The following TNRC18 variants were observed in gnomAD, a reference collection of about 807,000 sequenced individuals.
The protein encoded by TNRC18 is trinucleotide repeat-containing gene 18 protein.
TNRC18 carries 69 observed loss-of-function variants against 226.7 expected under a neutral mutation model. The ratio of observed to expected loss-of-function variants is 0.30; its 90% CI spans 0.25 to 0.37. The LOEUF is 0.37. Among genes scored for constraint, TNRC18 ranks in the 10% least tolerant of loss-of-function variants. TNRC18 has a pLI of 1.00. For missense variants in TNRC18, 4,754 were observed against 4,256.6 expected (o/e 1.12, Z -3.25); for synonymous variants, 2,449 against 1,927.6 (o/e 1.27, Z -7.09).
At chr7:5,396,033 T>C (rs1780660852) in intron 2 of TNRC18, among the ~76,000 whole-genome samples, 1 of 136,986 alleles carries the variant, frequency 7.3e-6, no homozygotes. Flanking sequence ...TAGCTGGGCG[T>C]GGTGGCGGGC....
At chr7:5,389,629 A>AC (rs763142416) in intron 4 of TNRC18, 118 of 211,878 alleles carry the variant, frequency 5.6e-4, no homozygotes, top group Non-Finnish European at 9.8e-4. Flanking sequence ...TAATTATTGT[A>AC]TTTTTAATAC....
At chr7:5,369,212 G>A (rs1359122821) in intron 11 of TNRC18, among the ~76,000 whole-genome samples, 5 of 152,146 alleles carry the variant, frequency 3.3e-5, no homozygotes, top group Non-Finnish European at 5.9e-5. Flanking sequence ...GCCAGGCATG[G>A]TGGCACATGC....
At chr7:5,373,662 C>T (rs1024299091) in intron 10 of TNRC18, among the ~76,000 whole-genome samples, 34 of 152,266 alleles carry the variant, frequency 2.2e-4, no homozygotes, top group Middle Eastern at 3.4e-3. Flanking sequence ...ACGGCAAGAG[C>T]GGGTGTGTGC....
rs1015175005 is a variant in TNRC18 at position 5,388,924 on chromosome 7, C to A, written c.900G>T (p.Ala300=). 3 of 1,374,120 alleles carry A rather than the reference C, an allele frequency of 2.2e-6. No individual in the cohort carries two copies. The African/African-American group carries it at 4.7e-5, about 22-fold the overall frequency. The allele number at this position is 1,374,120 out of a possible 1,614,324, so 85.1% of individuals were successfully genotyped here. A position where few individuals can be genotyped will look rare whatever the true frequency, so the allele number is the denominator to read the frequency against. The change falls in exon 5 of 30, where the codon GCG becomes GCT. Residue 300 remains alanine, a synonymous_variant. Coordinates refer to ENST00000430969, the MANE Select transcript of TNRC18 (RefSeq NM_001080495.3). ...CAGCCTCCTTGGCACCCCCGCGCCC[C>A]GCTTCGGCCACCAGCGCGGGCAGCC... The part of the protein sequence containing the change: ...DVGLPALVAE[A]GRGGAKEAAR...
intron 16 of TNRC18, among the ~76,000 whole-genome samples, 184 bp downstream of exon 16, chr7:5,356,732 G>A (rs1349748234): frequency 2.0e-5 from 3 of 151,042 alleles, no homozygotes; most frequent in Non-Finnish European, 4.4e-5. Context: ...TCCGCTTCAG[G>A]CGGCCTCCCC....
At chr7:5,404,763 AGTGTGTGTGTGTGTGT>A (rs57464872) in intron 2 of TNRC18, among the ~76,000 whole-genome samples, 3 of 147,122 alleles carry the variant, frequency 2.0e-5, no homozygotes, top group Admixed American at 6.8e-5. Context: ...GCACACTTTC[AGTGTGTGTGTGTGTGT>A]GTGTGTGTGT....
chr7:5,414,647 C>T (rs937851391), intron 2 of TNRC18, among the ~76,000 whole-genome samples: 1 of 151,958 alleles, frequency 6.6e-6, no homozygotes, highest in South Asian at 2.1e-4. Flanking sequence ...CTCCTGACCT[C>T]GTGATCCACC....
At chr7:5,366,318 CTTT>C (rs202053648) in intron 11 of TNRC18, among the ~76,000 whole-genome samples, 16 of 70,462 alleles carry the variant, frequency 2.3e-4, no homozygotes, top group African/African-American at 7.6e-4. Context: ...CTTCTTATAT[CTTT>C]TTTTTTTTTT....
intron 2 of TNRC18, among the ~76,000 whole-genome samples, chr7:5,402,086 G>A (rs967360257): frequency 3.3e-5 from 5 of 151,480 alleles, no homozygotes; most frequent in African/African-American, 9.7e-5. Context: ...GGCTGAGGCA[G>A]GAGAACGGCA....
At chr7:5,344,634 G>A (rs551675978) in intron 18 of TNRC18, among the ~76,000 whole-genome samples, 35 of 152,286 alleles carry the variant, frequency 2.3e-4, no homozygotes, top group Non-Finnish European at 5.0e-4. Context: ...TCCTGTCCTA[G>A]CCCCTGCCAG....
At chr7:5,363,330 T>G (rs6971630) in intron 11 of TNRC18, among the ~76,000 whole-genome samples, 7 of 150,430 alleles carry the variant, frequency 4.7e-5, no homozygotes, top group Non-Finnish European at 8.9e-5. Flanking sequence ...AGGCCAGGCG[T>G]GGTGGCTCAC....
chr7:5,376,065 G>A lies in TNRC18; in HGVS notation c.2768C>T (p.Ala923Val), dbSNP rs1238374218. The change falls in exon 9 of 30, where the codon GCC becomes GTC. Residue 923 changes from alanine (A) to valine (V), a missense_variant. By Grantham distance (64) the Ala-to-Val change is moderately conservative. Coordinates refer to ENST00000430969, the MANE Select transcript of TNRC18 (RefSeq NM_001080495.3). ...FLYLQQQAAQALELQRSAQLV... is the reference protein window; with the variant it reads ...FLYLQQQAAQVLELQRSAQLV... Reference sequence around the variant, plus strand: ...CTGGGCGCTCCTCTGCAGTTCCAAGGCCTGGGCCGCCTGCTGCTGCAGGTA... The same window carrying A: ...CTGGGCGCTCCTCTGCAGTTCCAAGACCTGGGCCGCCTGCTGCTGCAGGTA... The A allele has an allele frequency of 5.0e-6, 8 of 1,596,524 alleles. No homozygotes were observed. The South Asian group carries it at 6.8e-5, about 14-fold the overall frequency.
In TNRC18 at chr7:5,329,652, C is replaced by T. The variant is rs564407900; in HGVS notation, c.6147+2970G>A. On this transcript the variant is annotated intron_variant, in intron 19 of 29. Transcript: ENST00000430969. Reference sequence around the variant, plus strand: ...GAGCCGAGTTTGTGCCACTGCACTTCAGCCTGGGCGACACAGTGAGACTCC... The same window carrying T: ...GAGCCGAGTTTGTGCCACTGCACTTTAGCCTGGGCGACACAGTGAGACTCC... 6.6e-5 allele frequency among the ~76,000 whole-genome samples: 8 copies of T among 121,622 alleles called. No individual in the cohort carries two copies. The South Asian group carries it at 1.7e-3, about 26-fold the overall frequency. The allele number at this position is 121,622 out of a possible 152,430, so 79.8% of individuals were successfully genotyped here. A position where few individuals can be genotyped will look rare whatever the true frequency, so the allele number is the denominator to read the frequency against.
chr7:5,377,643 G>C lies in TNRC18; in HGVS notation c.2256-67C>G. ...CCAGGGGACGAGAGGGAGAAGCGGG[G>C]TTGCCCCAAGGAACTGTTTGCCACC... On this transcript the variant is annotated intron_variant, in intron 6 of 29. Transcript: ENST00000430969. The surrounding 1 kb of genome is among the most constrained non-coding windows in gnomAD (Gnocchi z 5.8). 2 of 1,484,886 alleles carry C rather than the reference G, an allele frequency of 1.3e-6. No individual in the cohort carries two copies. The highest frequency in any genetic ancestry group is 2.5e-5 in the East Asian group (1 of 40,194). 92.0% of individuals were successfully genotyped at this position (1,484,886 alleles called of 1,614,324 possible).
At chr7:5,407,600 AC>A (rs1407656329) in intron 2 of TNRC18, among the ~76,000 whole-genome samples, 1 of 152,140 alleles carries the variant, frequency 6.6e-6, no homozygotes, top group Non-Finnish European at 1.5e-5. Flanking sequence ...ATGGGCAGGG[AC>A]TTTGTCTTGC....
intron 2 of TNRC18, among the ~76,000 whole-genome samples, chr7:5,395,367 C>A (rs547291457): frequency 2.6e-5 from 4 of 152,174 alleles, no homozygotes; most frequent in Non-Finnish European, 4.4e-5. Context: ...ATAGGGGCCA[C>A]GGGGCAGACT....
rs772448891 is a variant in TNRC18, at chr7:5,352,076, T to C, written c.5213A>G (p.Asp1738Gly). Residue 1738 changes from aspartate (D) to glycine (G), a missense_variant, in exon 17 of 30, where the codon GAC becomes GGC. By Grantham distance (94) the Asp-to-Gly change is moderately conservative. Transcript: ENST00000430969. ...CCACTCGTCCTTCAGGAATTCTTCG[T>C]CTTCCTCTGAGTCCGTATCTGCAGT... ...SYSYNTDSEEDEEFLKDEWPA... is the reference protein window; with the variant it reads ...SYSYNTDSEEGEEFLKDEWPA... 1.2e-6 allele frequency: 2 copies of C among 1,609,026 alleles called. No individual in the cohort carries two copies. Among genetic ancestry groups the C allele is most frequent in the African/African-American group, 2.7e-5 (2 of 74,764 alleles).
rs1583704060 is a variant in TNRC18, at chr7:5,308,202, C to T, written c.8811G>A (p.Lys2937=). ...EQYEQMLKTK[K]YQDSEGLYYL... Reference sequence around the variant, plus strand: ...AGTACAGGCCCTCGCTGTCCTGGTACTTCTTGGTCTTCAGCATCTGCTCAT... The same window carrying T: ...AGTACAGGCCCTCGCTGTCCTGGTATTTCTTGGTCTTCAGCATCTGCTCAT... Residue 2937 remains lysine, a synonymous_variant, in exon 30 of 30, where the codon AAG becomes AAA. Transcript: ENST00000430969. The T allele has an allele frequency of 1.9e-6, 3 of 1,609,794 alleles. No homozygotes were observed. The highest frequency in any genetic ancestry group is 4.5e-5 in the East Asian group (2 of 44,766).
intron 24 of TNRC18, among the ~76,000 whole-genome samples, chr7:5,319,286 G>A (rs1788119338): frequency 6.6e-6 from 1 of 152,152 alleles, no homozygotes. Context: ...CCATCTTCTG[G>A]GTATGAATGG....
Sources: allele counts gnomAD v4.1 joint callset (sites outside exome capture counted in the v4.1 genomes callset), GRCh38; gene constraint gnomAD v4.1.1; non-coding constraint Gnocchi (gnomAD v3.1); transcripts MANE v1.5; gene names NCBI Gene and HGNC (gene_info 2026-07-23, HGNC 2026-07-21).